The following NEIL2 variants were observed in gnomAD, a reference collection of about 807,000 sequenced individuals.
The protein encoded by NEIL2 is endonuclease 8-like 2.
In NEIL2, 23 loss-of-function variants were observed where a neutral mutation model predicts 22.2. The ratio of observed to expected loss-of-function variants is 1.04; its 90% CI spans 0.75 to 1.47. The LOEUF is 1.47. Ranked by LOEUF, NEIL2 falls within the 40% of genes most tolerant of loss-of-function variation. NEIL2 has a pLI of 0.00. For synonymous variants in NEIL2, 229 were observed against 164.8 expected, an observed-to-expected ratio of 1.39 and a Z score of -2.99; for missense variants, 583 against 404.7, an observed-to-expected ratio of 1.44 and a Z score of -3.78.
intron 2 of NEIL2, among the ~76,000 whole-genome samples, chr8:11,773,865 G>A (rs1039736965): frequency 6.6e-6 from 1 of 152,178 alleles, no homozygotes; most frequent in African/African-American, 2.4e-5. Context: ...CTCCAGTAAT[G>A]GAACAGTCCA....
At chr8:11,780,725 A>T (rs574092273) in intron 3 of NEIL2, among the ~76,000 whole-genome samples, 2 of 152,338 alleles carry the variant, frequency 1.3e-5, no homozygotes, top group South Asian at 4.1e-4. Flanking sequence ...CATTTTATGC[A>T]TAAGACTCTA....
intron 3 of NEIL2, among the ~76,000 whole-genome samples, chr8:11,780,978 T>G (rs964910637): frequency 6.6e-6 from 1 of 152,202 alleles, no homozygotes; most frequent in African/African-American, 2.4e-5. Context: ...CTCTGTCCTT[T>G]GATTGTGCTT....
At position 11,786,052 on chromosome 8, in the gene NEIL2, C is replaced by T. The variant is rs375481400; in HGVS notation, c.778C>T (p.Leu260=). The T allele has an allele frequency of 2.8e-5, 45 of 1,614,054 alleles. No individual in the cohort carries two copies. The highest frequency in any genetic ancestry group is 3.6e-5 in the Non-Finnish European group (42 of 1,180,034). The change falls in exon 5 of 5, where the codon CTG becomes TTG. Residue 260 remains leucine, a synonymous_variant. Transcript: ENST00000284503. ...CCTGAGTGCCTCGCGTCGGGAGGTC[C>T]TGGTGGATCACGTGGTGGAGTTCAG... ...SVLSASRREV[L]VDHVVEFSTA...
chr8:11,774,307 A>C (rs1428206829), intron 2 of NEIL2, among the ~76,000 whole-genome samples: 2 of 151,458 alleles, frequency 1.3e-5, no homozygotes, highest in Non-Finnish European at 2.9e-5. Context: ...CCCAGGAGAC[A>C]GAGGTTGCAG....
At chr8:11,771,136 G>A (rs1356423186) in intron 1 of NEIL2, among the ~76,000 whole-genome samples, 1 of 152,164 alleles carries the variant, frequency 6.6e-6, no homozygotes, top group East Asian at 1.9e-4. Context: ...GGTGTGGCAG[G>A]TGCCGCTCAG....
intron 2 of NEIL2, among the ~76,000 whole-genome samples, chr8:11,771,858 A>T (rs8191534): frequency 0.18 from 26,950 of 152,106 alleles, 2,716 homozygotes; most frequent in Middle Eastern, 0.34. Flanking sequence ...GCTGATGGGC[A>T]CCTTTGGCTG....
intron 3 of NEIL2, among the ~76,000 whole-genome samples, chr8:11,781,435 G>A (rs1804413177): frequency 6.6e-6 from 1 of 152,194 alleles, no homozygotes; most frequent in Non-Finnish European, 1.5e-5. Context: ...AAATCCAGAA[G>A]AAGAGCAGAT....
At chr8:11,775,031 C>G (rs1803786882) in intron 2 of NEIL2, among the ~76,000 whole-genome samples, 1 of 152,234 alleles carries the variant, frequency 6.6e-6, no homozygotes, top group Non-Finnish European at 1.5e-5. Flanking sequence ...ATCTACCATT[C>G]TGGGGTCTGG....
chr8:11,785,974 A>T lies in NEIL2; in HGVS notation c.700A>T (p.Lys234Ter). ...RYFSGLGNII[K>*]NEALYRAGIH... ...CCGCTTTATTTCAGGGAACATCATT[A>T]AGAATGAAGCCTTGTACAGAGCTGG... Residue 234 changes from lysine (K) to a stop codon, truncating the protein, a stop_gained, in exon 5 of 5, where the codon AAG becomes TAG. Transcript: ENST00000284503. LOFTEE classifies it low-confidence loss of function (END_TRUNC). 1 of 1,614,028 alleles carries T rather than the reference A, an allele frequency of 6.2e-7. No homozygotes were observed. Among genetic ancestry groups the T allele is most frequent in the Non-Finnish European group, 8.5e-7 (1 of 1,179,938 alleles).
rs1000892260 is a variant in NEIL2, at chr8:11,769,928, C to G, written c.-410C>G. 7 of 152,556 alleles carry G rather than the reference C, an allele frequency of 4.6e-5. No individual in the cohort carries two copies. Among genetic ancestry groups the G allele is most frequent in the Admixed American group, 3.3e-4 (5 of 15,310 alleles). 9.5% of individuals were successfully genotyped at this position (152,556 alleles called of 1,614,324 possible). A position where few individuals can be genotyped will look rare whatever the true frequency, so the allele number is the denominator to read the frequency against. On this transcript the variant is annotated 5_prime_UTR_variant, in exon 1 of 5. Coordinates refer to ENST00000284503, the MANE Select transcript of NEIL2 (RefSeq NM_145043.4). ...GGTGCTGCCCACGCCTGGAGGCCCC[C>G]ACTGACCCTCAGACCCGCGTCTGCG...
chr8:11,783,480 GC>G, intron 4 of NEIL2, 81 bp downstream of exon 4: 1 of 1,198,522 alleles, frequency 8.3e-7, no homozygotes, highest in Non-Finnish European at 1.2e-6. Flanking sequence ...AGACCTGAGG[GC>G]CACCCTAGTT....
rs908809196 is a variant in NEIL2 at position 11,771,563 on chromosome 8, C to T, written c.116C>T (p.Ser39Phe). 6.2e-7 allele frequency: 1 copy of T among 1,614,098 alleles called. No homozygotes were observed. The highest frequency in any genetic ancestry group is 1.1e-5 in the South Asian group (1 of 91,076). Reference protein sequence around the residue: ...SKKLQPASLQSLWLQDTQVHG... With the variant: ...SKKLQPASLQFLWLQDTQVHG... ...AAGCTACAGCCCGCCAGCCTGCAGT[C>T]TCTGTGGCTCCAGGACACCCAGGTG... The change falls in exon 2 of 5, where the codon TCT becomes TTT. Residue 39 changes from serine (S) to phenylalanine (F), a missense_variant. By Grantham distance (155) the Ser-to-Phe change is radical. Transcript: ENST00000284503.
chr8:11,772,165 T>C (rs1021760206), intron 2 of NEIL2, among the ~76,000 whole-genome samples: 9 of 152,118 alleles, frequency 5.9e-5, no homozygotes, highest in African/African-American at 1.9e-4. Flanking sequence ...ATTGTGCTAC[T>C]GCACTCCAGC....
chr8:11,774,224 A>G (rs746451576), intron 2 of NEIL2, among the ~76,000 whole-genome samples: 2 of 152,122 alleles, frequency 1.3e-5, no homozygotes, highest in Non-Finnish European at 2.9e-5. Context: ...AAGATGCACA[A>G]ATTAGCTGGG....
intron 4 of NEIL2, among the ~76,000 whole-genome samples, chr8:11,783,702 C>G (rs8191646): frequency 2.6e-5 from 4 of 152,238 alleles, no homozygotes; most frequent in African/African-American, 9.6e-5. Flanking sequence ...TCCGGCACCT[C>G]TGTACCCTCC....
At position 11,779,913 on chromosome 8, in the gene NEIL2, G is replaced by A. The variant is rs748241378; in HGVS notation, c.454G>A (p.Ala152Thr). Residue 152 changes from alanine (A) to threonine (T), a missense_variant, in exon 3 of 5, where the codon GCC becomes ACC. Ala to Thr is a moderately conservative substitution (Grantham distance 58, BLOSUM62 0). Transcript: ENST00000284503. Reference protein sequence around the residue: ...WVNDFSRAKKANKRGDWRDPS... With the variant: ...WVNDFSRAKKTNKRGDWRDPS... ...GAACGATTTCTCCAGAGCCAAGAAA[G>A]CCAACAAGAGGGGGGACTGGAGGGA... The A allele has an allele frequency of 1.9e-6, 3 of 1,614,146 alleles. No individual in the cohort carries two copies. The Admixed American group carries it at 5.0e-5, about 27-fold the overall frequency.
chr8:11,782,386 C>G (rs1804503541), intron 3 of NEIL2, among the ~76,000 whole-genome samples: 1 of 152,164 alleles, frequency 6.6e-6, no homozygotes, highest in Admixed American at 6.5e-5. Flanking sequence ...GATAGTGCCA[C>G]TGCACTCCCG....
intron 2 of NEIL2, among the ~76,000 whole-genome samples, chr8:11,777,321 G>A (rs1326064344): frequency 6.6e-6 from 1 of 151,954 alleles, no homozygotes; most frequent in Non-Finnish European, 1.5e-5. Flanking sequence ...TGCTCTTGTA[G>A]TATCTGTTTT....
rs8191643 is a variant in NEIL2 at position 11,783,411 on chromosome 8, G to A, written c.688+12G>A. On this transcript the variant is annotated intron_variant, in intron 4 of 4. Transcript: ENST00000284503. ...CTTCTCAGGGCTAGGTATGACTCAT[G>A]GGAAAGGGGTGAGTCCACAGAGTTG... 140 of 1,611,226 alleles carry A rather than the reference G, an allele frequency of 8.7e-5. No homozygotes were observed. The African/African-American group carries it at 1.6e-3, about 18-fold the overall frequency.
Sources: gnomAD v4.1 joint callset for allele counts (sites outside exome capture counted in the v4.1 genomes callset) on GRCh38, gnomAD v4.1.1 for gene constraint, MANE v1.5 for transcripts, NCBI Gene and HGNC (gene_info 2026-07-23, HGNC 2026-07-21) for gene names.